The following WDFY4 variants were observed in gnomAD, a reference collection of about 807,000 sequenced individuals.
The protein encoded by WDFY4 is WDFY family member 4.
In WDFY4, 169 loss-of-function variants were observed where a neutral mutation model predicts 351.9. The ratio of observed to expected loss-of-function variants is 0.48; its 90% CI spans 0.42 to 0.55. The LOEUF (loss-of-function observed/expected upper bound fraction) is 0.55. WDFY4 is among the 20% of genes least tolerant of loss of function. The pLI is 0.00. For synonymous variants in WDFY4, 1,622 were observed against 1,574.6 expected, an observed-to-expected ratio of 1.03 and a Z score of -0.71; for missense variants, 3,803 against 3,935.6, an observed-to-expected ratio of 0.97 and a Z score of 0.90.
intron 19 of WDFY4, among the ~76,000 whole-genome samples, chr10:48,781,747 T>G (rs2940707): frequency 0.6 from 91,017 of 152,022 alleles, 30,180 homozygotes; most frequent in Non-Finnish European, 0.74. Context: ...ACCTGTTATG[T>G]GTTAGCTAAT....
intron 43 of WDFY4, among the ~76,000 whole-genome samples, chr10:48,886,348 T>C (rs981832281): frequency 6.6e-5 from 10 of 152,222 alleles, no homozygotes; most frequent in Non-Finnish European, 1.2e-4. Flanking sequence ...CTCCCTGCTA[T>C]GGTTTGAATG....
intron 2 of WDFY4, among the ~76,000 whole-genome samples, chr10:48,717,927 A>G (rs1282486485): frequency 6.6e-6 from 1 of 152,240 alleles, no homozygotes; most frequent in East Asian, 1.9e-4. Flanking sequence ...TGAAATTGCC[A>G]GGTGGTAGAG....
Position 48,969,108 on chromosome 10 carries a change from A to T in WDFY4, c.8629A>T (p.Ile2877Phe). 1 of 1,551,756 alleles carries T rather than the reference A, an allele frequency of 6.4e-7. No homozygotes were observed. The highest frequency in any genetic ancestry group is 1.4e-5 in the African/African-American group (1 of 73,176). ...AGGCTCAGAGTCCCCCAAAGGGGCC[A>T]TTGGCCACATTGTCTCTACTGAGAA... ...SLGSESPKGA[I>F]GHIVSTEKTI... The change falls in exon 56 of 62, where the codon ATT (isoleucine) becomes TTT (phenylalanine). Residue 2877 changes from isoleucine to phenylalanine, a missense_variant. By Grantham distance (21) the Ile-to-Phe change is conservative (BLOSUM62 0). This residue lies in a region of WDFY4 where 3,054 missense variants were observed against 3,148.6 expected (regional missense o/e 0.97). Coordinates refer to ENST00000325239, the MANE Select transcript of WDFY4 (RefSeq NM_001394531.1).
At chr10:48,739,370 G>A (rs555315552) in intron 11 of WDFY4, among the ~76,000 whole-genome samples, 80 of 152,276 alleles carry the variant, frequency 5.3e-4, no homozygotes, top group African/African-American at 1.9e-3. Flanking sequence ...ACCCCAGCCT[G>A]ATTACTTTGA....
intron 47 of WDFY4, 22 bp downstream of exon 47, chr10:48,901,885 G>T (rs769675501): frequency 6.5e-7 from 1 of 1,547,320 alleles, no homozygotes; most frequent in South Asian, 1.2e-5. Flanking sequence ...TAGCCATGCT[G>T]TCTGGGCATG....
chr10:48,915,706 C>A (rs1258329945), intron 47 of WDFY4, among the ~76,000 whole-genome samples: 1 of 152,204 alleles, frequency 6.6e-6, no homozygotes, highest in African/African-American at 2.4e-5. Flanking sequence ...CCACTCATAG[C>A]TGAAGGGTCA....
chr10:48,835,944 G>A (rs2068375696), intron 39 of WDFY4, among the ~76,000 whole-genome samples: 1 of 152,202 alleles, frequency 6.6e-6, no homozygotes, highest in Non-Finnish European at 1.5e-5. Flanking sequence ...CTGCTACACG[G>A]TAGGCCCTTA....
chr10:48,883,402 G>T (rs1271213736), intron 43 of WDFY4, among the ~76,000 whole-genome samples: 1 of 152,068 alleles, frequency 6.6e-6, no homozygotes, highest in Non-Finnish European at 1.5e-5. Context: ...GTGTGTGTGT[G>T]TGTGTGTTAC....
chr10:48,748,408 C>G (rs2065076260), intron 12 of WDFY4, among the ~76,000 whole-genome samples: 1 of 152,100 alleles, frequency 6.6e-6, no homozygotes, highest in Non-Finnish European at 1.5e-5. Flanking sequence ...GAATTTGAAC[C>G]CAGGGCTACC....
At chr10:48,875,048 C>T (rs1359445838) in intron 41 of WDFY4, 41 bp from the exon 42 acceptor site, 1 of 1,285,944 alleles carries the variant, frequency 7.8e-7, no homozygotes, top group African/African-American at 1.5e-5. Context: ...ATAGATGTAG[C>T]ATCCAGGATT....
intron 57 of WDFY4, among the ~76,000 whole-genome samples, chr10:48,973,371 T>C (rs1273118823): frequency 6.6e-6 from 1 of 152,202 alleles, no homozygotes; most frequent in African/African-American, 2.4e-5. Context: ...TCATACCCAT[T>C]AACTTGCCGG....
intron 21 of WDFY4, among the ~76,000 whole-genome samples, chr10:48,788,969 C>T (rs1036687256): frequency 5.9e-5 from 9 of 152,220 alleles, no homozygotes; most frequent in African/African-American, 1.9e-4. Flanking sequence ...TATTGAGCTT[C>T]CCTAGTCCTG....
At chr10:48,944,380 G>T (rs1840938049) in intron 49 of WDFY4, among the ~76,000 whole-genome samples, 1 of 152,176 alleles carries the variant, frequency 6.6e-6, no homozygotes, top group African/African-American at 2.4e-5. Flanking sequence ...GGGAAAGGAT[G>T]GGGAGTAAAA....
chr10:48,831,652 C>A (rs1019717356), intron 38 of WDFY4, among the ~76,000 whole-genome samples: 4 of 152,120 alleles, frequency 2.6e-5, no homozygotes, highest in African/African-American at 7.2e-5. Context: ...AACAAAATAC[C>A]ACAGACTGAG....
chr10:48,852,845 G>A (rs112882889), intron 39 of WDFY4, among the ~76,000 whole-genome samples: 76 of 152,026 alleles, frequency 5.0e-4, no homozygotes, highest in African/African-American at 1.7e-3. Context: ...TTTCTGTTTC[G>A]TTTGCTTTTT....
At chr10:48,829,662 C>T (rs1044393592) in intron 37 of WDFY4, among the ~76,000 whole-genome samples, 2 of 152,150 alleles carry the variant, frequency 1.3e-5, no homozygotes, top group Non-Finnish European at 2.9e-5. Flanking sequence ...CCAGCCTGCC[C>T]AACATGCTGA....
At chr10:48,966,968 C>T in intron 55 of WDFY4, 1 of 395,844 alleles carries the variant, frequency 2.5e-6, no homozygotes. Context: ...ACACATCTCT[C>T]TTCCTCTTCC....
chr10:48,784,364 C>G (rs2066324986), intron 19 of WDFY4, among the ~76,000 whole-genome samples: 2 of 152,104 alleles, frequency 1.3e-5, no homozygotes, highest in South Asian at 2.1e-4. Context: ...TTTATATTAG[C>G]CATTTTGATA....
chr10:48,979,624 CGGGTGGATGGATGGATGGAT>C (rs1842730349), intron 60 of WDFY4: 1 of 126,946 alleles, frequency 7.9e-6, no homozygotes, highest in Non-Finnish European at 1.7e-5. Context: ...GATGGATGGA[CGGGTGGATGGATGGATGGAT>C]GGGTGGATGG....
Sources: gnomAD v4.1 joint callset for allele counts (sites outside exome capture counted in the v4.1 genomes callset) on GRCh38, gnomAD v4.1.1 for gene constraint, gnomAD v4.1.1 regional missense constraint, MANE v1.5 for transcripts, NCBI Gene and HGNC (gene_info 2026-07-23, HGNC 2026-07-21) for gene names.